The following OCIAD2 variants were observed in gnomAD, a reference collection of about 807,000 sequenced individuals.
OCIAD2 encodes the protein OCIA domain-containing protein 2.
Under a neutral mutation model 22.9 loss-of-function variants are expected in OCIAD2, and 29 were observed. The ratio of observed to expected loss-of-function variants is 1.27; its 90% CI spans 0.94 to 1.73. The LOEUF (loss-of-function observed/expected upper bound fraction) is 1.73. Among genes scored for constraint, OCIAD2 ranks in the 40% most tolerant of loss-of-function variants. The pLI is 0.00. For synonymous variants in OCIAD2, 67 were observed against 60.2 expected (o/e 1.11, Z -0.52); for missense variants, 189 against 180.3 (o/e 1.05, Z -0.28).
intron 4 of OCIAD2, among the ~76,000 whole-genome samples, chr4:48,897,454 T>C (rs1781327354): frequency 6.6e-6 from 1 of 152,122 alleles, no homozygotes; most frequent in Admixed American, 6.6e-5. Context: ...CATTGCCGCC[T>C]CTCTGATTCC....
At chr4:48,902,159 G>T (rs1398061708) in intron 2 of OCIAD2, among the ~76,000 whole-genome samples, 4 of 152,024 alleles carry the variant, frequency 2.6e-5, no homozygotes, top group Non-Finnish European at 5.9e-5. Context: ...TGTGTTATTT[G>T]CCATTTATCT....
rs1360919119 is a variant in OCIAD2, at chr4:48,886,485, T to C, written c.384-920A>G. On this transcript the variant is annotated intron_variant, in intron 6 of 6. Coordinates refer to ENST00000508632, the MANE Select transcript of OCIAD2 (RefSeq NM_001014446.3). Reference sequence around the variant, plus strand: ...AGGTATATCTCCTAATGCTATCTCTTCCCCCTCCCCCCACCCTACAACAGG... The same window carrying C: ...AGGTATATCTCCTAATGCTATCTCTCCCCCCTCCCCCCACCCTACAACAGG... Among the ~76,000 whole-genome samples, 452 of 148,006 alleles carry C rather than the reference T, an allele frequency of 3.1e-3. 1 individual carries two copies. The highest frequency in any genetic ancestry group is 0.011 in the African/African-American group (425 of 39,866).
At chr4:48,902,019 G>A (rs1197475440) in intron 2 of OCIAD2, among the ~76,000 whole-genome samples, 2 of 152,012 alleles carry the variant, frequency 1.3e-5, no homozygotes, top group Non-Finnish European at 2.9e-5. Flanking sequence ...GTCCCGCTTT[G>A]GCTTCCCAAA....
intron 2 of OCIAD2, among the ~76,000 whole-genome samples, chr4:48,902,723 C>A (rs771245582): frequency 1.3e-5 from 2 of 152,112 alleles, no homozygotes; most frequent in Non-Finnish European, 2.9e-5. Context: ...GAGGCTGAGG[C>A]GGGCAGATCA....
chr4:48,885,607 ACTGGAAG>A, intron 6 of OCIAD2, 42 bp from the exon 7 acceptor site: 2 of 993,926 alleles, frequency 2.0e-6, no homozygotes, highest in Non-Finnish European at 1.6e-6. Flanking sequence ...GTACTTTGAC[ACTGGAAG>A]CCCTAGTCTT....
chr4:48,890,739 G>T (rs113296397), intron 6 of OCIAD2, among the ~76,000 whole-genome samples: 20 of 152,252 alleles, frequency 1.3e-4, no homozygotes, highest in Admixed American at 3.9e-4. Flanking sequence ...TGAGGAGTTG[G>T]CAACAGGATA....
chr4:48,885,507 C>A lies in OCIAD2; in HGVS notation c.442G>T (p.Asp148Tyr). The change falls in exon 7 of 7, where the codon GAC (aspartate) becomes TAC (tyrosine). Residue 148 changes from aspartate (D) to tyrosine (Y), a missense_variant. Transcript: ENST00000508632. ...ATTTAGGAAGCTGAAGGCTGAGAGT[C>A]TCCCTTCTCACTTAATCCATGCTTT... ...KIKHGLSEKG[D>Y]SQPSAS 5.0e-6 allele frequency: 8 copies of A among 1,608,636 alleles called. No individual in the cohort carries two copies. Among genetic ancestry groups the A allele is most frequent in the Non-Finnish European group, 6.8e-6 (8 of 1,174,948 alleles).
rs563956684 is a variant in OCIAD2 at position 48,888,275 on chromosome 4, T to C, written c.384-2710A>G. Among the ~76,000 whole-genome samples, 12 of 152,322 alleles carry C rather than the reference T, an allele frequency of 7.9e-5. No homozygotes were observed. The South Asian group carries it at 1.9e-3, about 24-fold the overall frequency. On this transcript the variant is annotated intron_variant, in intron 6 of 6. Coordinates refer to ENST00000508632, the MANE Select transcript of OCIAD2 (RefSeq NM_001014446.3). Reference sequence around the variant, plus strand: ...GTTTTCTAAATACACAATCATGTCATCTGCAAATAGGAACGATCTGACTTC... The same window carrying C: ...GTTTTCTAAATACACAATCATGTCACCTGCAAATAGGAACGATCTGACTTC...
At chr4:48,904,752 T>G (rs1267845676) in intron 1 of OCIAD2, 141 bp from the exon 2 acceptor site, 4 of 609,224 alleles carry the variant, frequency 6.6e-6, no homozygotes, top group Non-Finnish European at 5.9e-6. Context: ...CAACTTCCAG[T>G]GCTCCTCTTC....
At chr4:48,889,816 T>C (rs1781113210) in intron 6 of OCIAD2, among the ~76,000 whole-genome samples, 1 of 152,328 alleles carries the variant, frequency 6.6e-6, no homozygotes, top group Middle Eastern at 3.4e-3. Flanking sequence ...GGTATGTTTA[T>C]TGTGGCACTA....
In OCIAD2 at chr4:48,904,513, C is replaced by G; in HGVS notation, c.37G>C (p.Asp13His). The G allele has an allele frequency of 6.2e-7, 1 of 1,614,090 alleles. No individual in the cohort carries two copies. The highest frequency in any genetic ancestry group is 8.5e-7 in the Non-Finnish European group (1 of 1,180,004). The change falls in exon 2 of 7, where the codon GAT (aspartate) becomes CAT (histidine). Residue 13 changes from aspartate (D) to histidine (H), a missense_variant. Physicochemically the swap from Asp to His is moderately conservative, Grantham distance 81. Coordinates refer to ENST00000508632, the MANE Select transcript of OCIAD2 (RefSeq NM_001014446.3). ...SASARGNQDK[D>H]AHFPPPSKQS... ...TTGCTTGGTGGTGGAAAATGGGCAT[C>G]TTTATCTTGGTTTCCACGAGCAGAC...
intron 6 of OCIAD2, among the ~76,000 whole-genome samples, chr4:48,886,003 G>A (rs1780976259): frequency 6.6e-6 from 1 of 152,162 alleles, no homozygotes; most frequent in Non-Finnish European, 1.5e-5. Context: ...CCTTGCCCAT[G>A]CCTATGTCCT....
At chr4:48,885,768 G>C (rs1560454803) in intron 6 of OCIAD2, among the ~76,000 whole-genome samples, 1 of 152,162 alleles carries the variant, frequency 6.6e-6, no homozygotes, top group South Asian at 2.1e-4. Flanking sequence ...CTACAGGCAT[G>C]AACCACTGCA....
chr4:48,904,481 T>C lies in OCIAD2; in HGVS notation c.66+3A>G. ...GAATCGATCAATAAATATAAAAGTA[T>C]ACCTGCTTGCTTGGTGGTGGAAAAT... On this transcript the variant is annotated splice_donor_region_variant and intron_variant, in intron 2 of 6. Transcript: ENST00000508632. 2.5e-6 allele frequency: 4 copies of C among 1,612,846 alleles called. No individual in the cohort carries two copies. Among genetic ancestry groups the C allele is most frequent in the Non-Finnish European group, 3.4e-6 (4 of 1,178,828 alleles).
chr4:48,903,354 TA>T (rs1432209761), intron 2 of OCIAD2, among the ~76,000 whole-genome samples: 2 of 151,966 alleles, frequency 1.3e-5, no homozygotes, highest in African/African-American at 2.4e-5. Flanking sequence ...AATATAAATG[TA>T]AAAAAATAAG....
At chr4:48,903,647 T>C (rs1050973967) in intron 2 of OCIAD2, among the ~76,000 whole-genome samples, 3 of 146,246 alleles carry the variant, frequency 2.1e-5, no homozygotes, top group African/African-American at 5.1e-5. Flanking sequence ...TTTTTTTTTT[T>C]TTTTTTTTCT....
intron 6 of OCIAD2, among the ~76,000 whole-genome samples, chr4:48,886,586 C>A (rs553972032): frequency 2.0e-5 from 3 of 149,986 alleles, no homozygotes; most frequent in Non-Finnish European, 4.4e-5. Flanking sequence ...TGAGAACATG[C>A]GGTGTTTGGT....
At chr4:48,897,721 G>T in intron 4 of OCIAD2, 83 bp downstream of exon 4, 1 of 1,005,980 alleles carries the variant, frequency 9.9e-7, no homozygotes, top group Non-Finnish European at 1.6e-6. Context: ...AAAAATAAAT[G>T]TCAAGGGCCA....
At position 48,888,987 on chromosome 4, in the gene OCIAD2, A is replaced by G. The variant is rs1451523311; in HGVS notation, c.384-3422T>C. On this transcript the variant is annotated intron_variant, in intron 6 of 6. Transcript: ENST00000508632. ...GGTCCTGGACTTTTTTTGGTTGGTAAGCTATTAATTATTGCCTCAATTTCA... is the reference window on the plus strand; with the variant it reads ...GGTCCTGGACTTTTTTTGGTTGGTAGGCTATTAATTATTGCCTCAATTTCA... Among the ~76,000 whole-genome samples, 3 of 152,058 alleles carry G rather than the reference A, an allele frequency of 2.0e-5. No individual in the cohort carries two copies. The East Asian group carries it at 5.8e-4, about 29-fold the overall frequency.
Sources: allele counts gnomAD v4.1 joint callset (sites outside exome capture counted in the v4.1 genomes callset), GRCh38; gene constraint gnomAD v4.1.1; transcripts MANE v1.5; gene names NCBI Gene and HGNC (gene_info 2026-07-23, HGNC 2026-07-21).